The following MED13L variants were observed in gnomAD, a reference collection of about 807,000 sequenced individuals.
MED13L encodes mediator of RNA polymerase II transcription subunit 13-like.
A neutral mutation model predicts 220.9 loss-of-function variants in MED13L; 7 were observed. That is an observed-to-expected ratio of 0.03 (90% CI 0.02 to 0.06). The LOEUF (loss-of-function observed/expected upper bound fraction) is 0.06. MED13L is among the 10% of genes least tolerant of loss of function. MED13L has a pLI of 1.00. For synonymous variants in MED13L, 1,011 were observed against 1,015.2 expected, an observed-to-expected ratio of 1.00 and a Z score of 0.08; for missense variants, 1,965 against 2,760.5, an observed-to-expected ratio of 0.71 and a Z score of 6.46.
intron 2 of MED13L, among the ~76,000 whole-genome samples, chr12:116,165,413 C>G (rs912569936): frequency 2.0e-5 from 3 of 151,972 alleles, no homozygotes; most frequent in African/African-American, 7.3e-5. Context: ...TCACTGCAAC[C>G]TCTGCCTCCC....
chr12:116,140,152 C>T (rs987574912), intron 2 of MED13L, among the ~76,000 whole-genome samples: 1 of 152,070 alleles, frequency 6.6e-6, no homozygotes, highest in Non-Finnish European at 1.5e-5. Context: ...TACTCCCCCC[C>T]TTTCCCAGCA....
chr12:115,995,396 C>A (rs573358853), intron 16 of MED13L, among the ~76,000 whole-genome samples: 3 of 152,292 alleles, frequency 2.0e-5, no homozygotes, highest in South Asian at 4.1e-4. Flanking sequence ...TTATTCATCA[C>A]AGGGAAAACT....
At chr12:115,996,827 A>G in intron 15 of MED13L, 146 bp from the exon 16 acceptor site, 1 of 1,036,048 alleles carries the variant, frequency 9.7e-7, no homozygotes, top group South Asian at 1.3e-5. Flanking sequence ...GCTAATGCAG[A>G]AATGTTAAAT....
At chr12:116,240,658 G>A (rs1220416957) in intron 1 of MED13L, among the ~76,000 whole-genome samples, 1 of 151,450 alleles carries the variant, frequency 6.6e-6, no homozygotes, top group African/African-American at 2.4e-5. Context: ...TCAGCCTCCC[G>A]AGTAGCTGGG....
chr12:115,967,652 G>A (rs894156494), intron 28 of MED13L, among the ~76,000 whole-genome samples: 1 of 152,186 alleles, frequency 6.6e-6, no homozygotes, highest in African/African-American at 2.4e-5. Context: ...CAGGCTAAGA[G>A]AGGTGAAGTT....
intron 8 of MED13L, among the ~76,000 whole-genome samples, chr12:116,014,622 C>T (rs1879613129): frequency 6.6e-6 from 1 of 152,120 alleles, no homozygotes; most frequent in African/African-American, 2.4e-5. Context: ...CTCAAATCAA[C>T]AAACAGGAGC....
At position 116,152,145 on chromosome 12, in the gene MED13L, T is replaced by C. The variant is rs548775990; in HGVS notation, c.311-40633A>G. ...TCTCCCCTGCTGGATTATAAACTCC[T>C]TGTGGATAGGATCTCCGTATAAAGC... is the stretch of plus-strand genomic sequence containing the variant. On this transcript the variant is annotated intron_variant, in intron 2 of 30. Transcript: ENST00000281928. Among the ~76,000 whole-genome samples the C allele has an allele frequency of 1.2e-4, 18 of 152,306 alleles. 1 individual carries two copies. The highest frequency in any genetic ancestry group is 9.2e-4 in the Admixed American group (14 of 15,286).
intron 1 of MED13L, among the ~76,000 whole-genome samples, chr12:116,267,859 A>T (rs527710730): frequency 1.3e-5 from 2 of 152,350 alleles, no homozygotes; most frequent in South Asian, 4.1e-4. Flanking sequence ...TCCTTTGAGG[A>T]GTAAGAACAT....
At chr12:116,198,345 CT>C (rs1226749311) in intron 2 of MED13L, among the ~76,000 whole-genome samples, 3 of 152,146 alleles carry the variant, frequency 2.0e-5, no homozygotes, top group African/African-American at 7.2e-5. Flanking sequence ...ATATCACATA[CT>C]TTAAAAAAAA....
In MED13L at chr12:116,031,759, A is replaced by AGAAAAGAAAAGAAAAGAAAGAAG. The variant is rs1592967502; in HGVS notation, c.480-9159_480-9158insCTTCTTTCTTTTCTTTTCTTTTC. ...AGAAAAGAAAAGAAAAGAAAAGAAAAGAAGGAAGGAAGGAAGGAAGGAAGG... is the reference window on the plus strand; with the variant it reads ...AGAAAAGAAAAGAAAAGAAAAGAAAAGAAAAGAAAAGAAAAGAAAGAAGGAAGGAAGGAAGGAAGGAAGGAAGG... On this transcript the variant is annotated intron_variant, in intron 4 of 30. Coordinates refer to ENST00000281928, the MANE Select transcript of MED13L (RefSeq NM_015335.5). 7.1e-4 allele frequency among the ~76,000 whole-genome samples: 29 copies of AGAAAAGAAAAGAAAAGAAAGAAG among 40,986 alleles called. 1 individual carries two copies. Among genetic ancestry groups the AGAAAAGAAAAGAAAAGAAAGAAG allele is most frequent in the African/African-American group, 3.0e-3 (27 of 9,118 alleles). 26.9% of individuals were successfully genotyped at this position (40,986 alleles called of 152,430 possible).
chr12:116,147,730 T>G (rs1348991464), intron 2 of MED13L, among the ~76,000 whole-genome samples: 1 of 152,090 alleles, frequency 6.6e-6, no homozygotes, highest in Non-Finnish European at 1.5e-5. Flanking sequence ...CGGTTGGGTA[T>G]TTACACTTTT....
At chr12:116,063,348 T>C (rs1869661221) in intron 4 of MED13L, among the ~76,000 whole-genome samples, 1 of 151,712 alleles carries the variant, frequency 6.6e-6, no homozygotes, top group African/African-American at 2.4e-5. Flanking sequence ...TCCTTTCCAC[T>C]AAAAATAAAA....
intron 4 of MED13L, among the ~76,000 whole-genome samples, chr12:116,068,575 T>C (rs187869490): frequency 1.6e-4 from 24 of 152,258 alleles, no homozygotes; most frequent in Admixed American, 1.4e-3. Context: ...GGCCTATACA[T>C]GTGTTTTCTG....
intron 3 of MED13L, among the ~76,000 whole-genome samples, chr12:116,102,703 C>CCTTTTTTTT (rs1873175799): frequency 4.7e-5 from 3 of 63,204 alleles, no homozygotes; most frequent in African/African-American, 1.6e-4. Flanking sequence ...TTTTCTTTTT[C>CCTTTTTTTT]TTTTTTCTTT....
At chr12:116,123,996 T>G (rs1316321449) in intron 2 of MED13L, among the ~76,000 whole-genome samples, 1 of 152,182 alleles carries the variant, frequency 6.6e-6, no homozygotes, top group Non-Finnish European at 1.5e-5. Context: ...TAATCACCTT[T>G]GATTAAGAGA....
intron 4 of MED13L, among the ~76,000 whole-genome samples, chr12:116,061,135 G>A (rs1463513543): frequency 6.6e-6 from 1 of 152,104 alleles, no homozygotes; most frequent in Non-Finnish European, 1.5e-5. Context: ...CTTTAACTGA[G>A]AACATTCTAA....
intron 2 of MED13L, among the ~76,000 whole-genome samples, chr12:116,172,766 A>G (rs1879771572): frequency 6.6e-6 from 1 of 152,100 alleles, no homozygotes; most frequent in South Asian, 2.1e-4. Flanking sequence ...CATTACGGTG[A>G]AGAATAATCG....
At chr12:116,253,484 A>G (rs1871752002) in intron 1 of MED13L, among the ~76,000 whole-genome samples, 1 of 152,034 alleles carries the variant, frequency 6.6e-6, no homozygotes, top group African/African-American at 2.4e-5. Flanking sequence ...CCAAAACCAA[A>G]CAGAGATGAT....
At chr12:116,166,560 G>A (rs907539522) in intron 2 of MED13L, among the ~76,000 whole-genome samples, 1 of 152,006 alleles carries the variant, frequency 6.6e-6, no homozygotes, top group Non-Finnish European at 1.5e-5. Flanking sequence ...TTCCAGCCTG[G>A]GCAACAGAGC....
Sources: allele counts gnomAD v4.1 joint callset (sites outside exome capture counted in the v4.1 genomes callset), GRCh38; gene constraint gnomAD v4.1.1; transcripts MANE v1.5; gene names NCBI Gene and HGNC (gene_info 2026-07-23, HGNC 2026-07-21).